Variants in TRDN observed in about 807,000 individuals in gnomAD.
TRDN encodes triadin in skeletal muscle.
TRDN carries 161 observed loss-of-function variants against 149.7 expected under a neutral mutation model. The observed-to-expected ratio is 1.08, with a 90% CI of 0.95 to 1.23. TRDN has a LOEUF of 1.23. Among genes scored for constraint, TRDN ranks in the 50% most tolerant of loss-of-function variants. The probability of loss-of-function intolerance (pLI) is 0.00; values close to 1 mark genes in which losing one functional copy is unlikely to be tolerated. For synonymous variants in TRDN, 294 were observed against 250.5 expected, an observed-to-expected ratio of 1.17 and a Z score of -1.64; for missense variants, 896 against 823.5, an observed-to-expected ratio of 1.09 and a Z score of -1.08.
intron 5 of TRDN, among the ~76,000 whole-genome samples, chr6:123,519,116 G>A (rs1308606662): frequency 6.6e-6 from 1 of 152,126 alleles, no homozygotes; most frequent in East Asian, 1.9e-4. Context: ...GACAGAATAA[G>A]CTTCTTGCAC....
intron 10 of TRDN, among the ~76,000 whole-genome samples, chr6:123,460,385 T>A (rs955544556): frequency 4.6e-5 from 7 of 152,172 alleles, no homozygotes; most frequent in African/African-American, 1.7e-4. Context: ...AATGGTTGAG[T>A]ATCTAACTGT....
intron 20 of TRDN, among the ~76,000 whole-genome samples, chr6:123,358,630 A>G (rs916188300): frequency 2.2e-5 from 1 of 46,254 alleles, no homozygotes; most frequent in Non-Finnish European, 4.2e-5. Flanking sequence ...ATGCCTGGCT[A>G]ATTTTTTTGT....
intron 9 of TRDN, among the ~76,000 whole-genome samples, chr6:123,474,841 A>C (rs1191196562): frequency 6.6e-6 from 1 of 152,152 alleles, no homozygotes; most frequent in Non-Finnish European, 1.5e-5. Flanking sequence ...TACATAACGA[A>C]ATGAAGGCAG....
intron 13 of TRDN, among the ~76,000 whole-genome samples, chr6:123,392,522 A>C (rs1335171077): frequency 6.6e-6 from 1 of 152,014 alleles, no homozygotes; most frequent in East Asian, 1.9e-4. Context: ...ACTCACCCTG[A>C]CCTGCATTTT....
At chr6:123,470,284 G>T (rs1777081123) in intron 9 of TRDN, 1 of 152,150 alleles carries the variant, frequency 6.6e-6, no homozygotes, top group Non-Finnish European at 1.5e-5. Context: ...ACTTGGTCTT[G>T]TGAGGGGACA....
In TRDN at chr6:123,571,100, T is replaced by C; in HGVS notation, c.55A>G (p.Ser19Gly). ...GATTTGGGCACAGATCCATTTTTGCTGTCTATCACAGTTGTGGTTGTAGAT... is the reference window on the plus strand; with the variant it reads ...GATTTGGGCACAGATCCATTTTTGCCGTCTATCACAGTTGTGGTTGTAGAT... ...NASTTTTVIDSKNGSVPKSPG... is the reference protein window; with the variant it reads ...NASTTTTVIDGKNGSVPKSPG... The change falls in exon 2 of 41, where the codon AGC (serine) becomes GGC (glycine). Residue 19 changes from serine (S) to glycine (G), a missense_variant. Transcript: ENST00000334268. 6.2e-7 allele frequency: 1 copy of C among 1,613,840 alleles called. No homozygotes were observed. Among genetic ancestry groups the C allele is most frequent in the Non-Finnish European group, 8.5e-7 (1 of 1,179,834 alleles).
Position 123,364,680 on chromosome 6 carries a change from C to T in TRDN, c.1321+1455G>A, listed in dbSNP as rs560642880. 3.1e-4 allele frequency among the ~76,000 whole-genome samples: 47 copies of T among 152,178 alleles called. 2 individuals are homozygous for T. The South Asian group carries it at 9.8e-3, about 32-fold the overall frequency. On this transcript the variant is annotated intron_variant, in intron 20 of 40. Coordinates refer to ENST00000334268, the MANE Select transcript of TRDN (RefSeq NM_006073.4). Reference sequence around the variant, plus strand: ...AAAATAATAAAAATAAAATCTCACTCCAAAAGAAACCTATCTTCTGCTATT... The same window carrying T: ...AAAATAATAAAAATAAAATCTCACTTCAAAAGAAACCTATCTTCTGCTATT...
intron 1 of TRDN, among the ~76,000 whole-genome samples, chr6:123,596,548 C>A (rs2114635350): frequency 6.6e-6 from 1 of 152,182 alleles, no homozygotes; most frequent in East Asian, 1.9e-4. Context: ...AATCAATTGA[C>A]TCCTAGAGAG....
intron 14 of TRDN, among the ~76,000 whole-genome samples, chr6:123,385,560 A>T (rs1014232100): frequency 2.0e-5 from 3 of 152,178 alleles, no homozygotes; most frequent in Admixed American, 6.5e-5. Context: ...CCTGATTGAC[A>T]ACTTTAGTCA....
At chr6:123,446,169 A>G (rs1161676027) in intron 10 of TRDN, among the ~76,000 whole-genome samples, 3 of 146,546 alleles carry the variant, frequency 2.0e-5, no homozygotes, top group African/African-American at 7.5e-5. Flanking sequence ...TCTCACTCAT[A>G]GGTGGGAATT....
chr6:123,348,814 T>C (rs984882526), intron 21 of TRDN, among the ~76,000 whole-genome samples: 1 of 152,052 alleles, frequency 6.6e-6, no homozygotes, highest in East Asian at 1.9e-4. Context: ...AATGAACTTC[T>C]GATTTCTTTT....
At chr6:123,343,019 C>G (rs1780121565) in intron 21 of TRDN, among the ~76,000 whole-genome samples, 2 of 152,088 alleles carry the variant, frequency 1.3e-5, no homozygotes, top group South Asian at 4.1e-4. Context: ...ACCTGATCAT[C>G]ATTATAAACA....
At chr6:123,423,587 A>T (rs911112423) in intron 12 of TRDN, among the ~76,000 whole-genome samples, 13 of 152,160 alleles carry the variant, frequency 8.5e-5, no homozygotes, top group African/African-American at 3.1e-4. Context: ...AGTAATAAAC[A>T]TTTAGTTTGA....
At chr6:123,609,415 T>C (rs1224615867) in intron 1 of TRDN, among the ~76,000 whole-genome samples, 1 of 152,122 alleles carries the variant, frequency 6.6e-6, no homozygotes, top group East Asian at 1.9e-4. Context: ...TAGAGGAGTA[T>C]AATATAGTTA....
At chr6:123,347,140 T>C (rs1780284707) in intron 21 of TRDN, among the ~76,000 whole-genome samples, 1 of 152,078 alleles carries the variant, frequency 6.6e-6, no homozygotes, top group African/African-American at 2.4e-5. Context: ...GGAATTTAAA[T>C]GTATATGCTT....
At chr6:123,528,927 T>C (rs1316363045) in intron 5 of TRDN, 1 of 1,138,952 alleles carries the variant, frequency 8.8e-7, no homozygotes, top group Non-Finnish European at 1.1e-6. Flanking sequence ...TCAAGAAATA[T>C]ATTCAGGTTG....
chr6:123,331,146 T>C (rs1260197899), intron 23 of TRDN, among the ~76,000 whole-genome samples: 1 of 152,108 alleles, frequency 6.6e-6, no homozygotes, highest in Non-Finnish European at 1.5e-5. Context: ...CAATGCCATG[T>C]CCACAGAATA....
At chr6:123,451,315 G>T (rs2114654432) in intron 10 of TRDN, among the ~76,000 whole-genome samples, 1 of 151,942 alleles carries the variant, frequency 6.6e-6, no homozygotes, top group South Asian at 2.1e-4. Flanking sequence ...ATAAAAAGCT[G>T]GTTCTTTGAA....
chr6:123,420,023 A>G (rs1310674727), intron 12 of TRDN, among the ~76,000 whole-genome samples: 1 of 152,204 alleles, frequency 6.6e-6, no homozygotes, highest in Non-Finnish European at 1.5e-5. Context: ...ACAAAAGTGA[A>G]TATTGACACA....
Sources: allele counts gnomAD v4.1 joint callset (sites outside exome capture counted in the v4.1 genomes callset), GRCh38; gene constraint gnomAD v4.1.1; transcripts MANE v1.5; gene names NCBI Gene and HGNC (gene_info 2026-07-23, HGNC 2026-07-21).